AMBRA1: variants seen among roughly 807,000 people sequenced by gnomAD.
AMBRA1 encodes autophagy and beclin 1 regulator 1, also known as activating molecule in BECN1-regulated autophagy protein 1.
AMBRA1 carries 47 observed loss-of-function variants against 125.4 expected under a neutral mutation model. The observed-to-expected ratio is 0.37, with a 90% confidence interval of 0.30 to 0.48. The LOEUF (loss-of-function observed/expected upper bound fraction) is 0.48. Ranked by LOEUF, AMBRA1 falls within the 20% of genes least tolerant of loss-of-function variation. The probability of loss-of-function intolerance (pLI) is 0.99; values close to 1 mark genes in which losing one functional copy is unlikely to be tolerated. For synonymous variants in AMBRA1, 626 were observed against 655.5 expected, an observed-to-expected ratio of 0.95 and a Z score of 0.69; for missense variants, 1,331 against 1,693.4, an observed-to-expected ratio of 0.79 and a Z score of 3.76.
chr11:46,425,350 G>GTGTA (rs1947075778), intron 14 of AMBRA1, among the ~76,000 whole-genome samples: 2 of 149,626 alleles, frequency 1.3e-5, no homozygotes, highest in South Asian at 4.3e-4. Context: ...GTGTGTGTGT[G>GTGTA]TAAGAAGTAG....
At chr11:46,468,370 T>A (rs79567606) in intron 11 of AMBRA1, among the ~76,000 whole-genome samples, 1,820 of 150,976 alleles carry the variant, frequency 0.012, 44 homozygotes, top group African/African-American at 0.043. Flanking sequence ...TGAGACCTCA[T>A]CTCTTGAAAA....
chr11:46,434,817 T>C, intron 13 of AMBRA1, 32 bp downstream of exon 13: 1 of 1,546,946 alleles, frequency 6.5e-7, no homozygotes, highest in Non-Finnish European at 8.7e-7. Flanking sequence ...CCAGCGTCCC[T>C]CTGTCATTAG....
intron 1 of AMBRA1, among the ~76,000 whole-genome samples, chr11:46,577,866 C>T (rs1182061851): frequency 6.6e-6 from 1 of 152,016 alleles, no homozygotes; most frequent in African/African-American, 2.4e-5. Context: ...AGGAGAATCA[C>T]TTGAACCCAG....
In AMBRA1 at chr11:46,468,525, G is replaced by A. The variant is rs184972806; in HGVS notation, c.2522-24927C>T. ...AAGAAAAGGAAGGCCAGGGCCAGGC[G>A]CAGTGACTCACGCCTGTAATCCCAG... On this transcript the variant is annotated intron_variant, in intron 11 of 17. Coordinates refer to ENST00000683756, the MANE Select transcript of AMBRA1 (RefSeq NM_001387011.1). Among the ~76,000 whole-genome samples, 323 of 152,156 alleles carry A rather than the reference G, an allele frequency of 2.1e-3. 3 individuals carry two copies. The Middle Eastern group carries it at 0.024, about 11-fold the overall frequency.
intron 8 of AMBRA1, 91 bp downstream of exon 8, chr11:46,512,636 C>G (rs1386915875): frequency 1.1e-6 from 1 of 946,088 alleles, no homozygotes; most frequent in Non-Finnish European, 1.6e-6. Flanking sequence ...GCACCAGGAC[C>G]AGAGAGGCAC....
intron 7 of AMBRA1, among the ~76,000 whole-genome samples, chr11:46,520,341 TGA>T (rs1265132764): frequency 3.9e-5 from 6 of 152,256 alleles, no homozygotes; most frequent in South Asian, 2.1e-4. Flanking sequence ...TGTGAAAGAA[TGA>T]GAGTGAAAAA....
At chr11:46,398,436 G>A (rs1016204843) in intron 17 of AMBRA1, among the ~76,000 whole-genome samples, 4 of 152,190 alleles carry the variant, frequency 2.6e-5, no homozygotes, top group Admixed American at 6.5e-5. Flanking sequence ...TTCCTTCAGC[G>A]TAGTTTTGTG....
intron 1 of AMBRA1, among the ~76,000 whole-genome samples, chr11:46,583,664 A>AC (rs2044259686): frequency 7.5e-6 from 1 of 132,604 alleles, no homozygotes; most frequent in Non-Finnish European, 1.5e-5. Context: ...AAAAAAAAAA[A>AC]AAAAAAAAAA....
chr11:46,546,623 C>CAAAA (rs199573787), intron 4 of AMBRA1, among the ~76,000 whole-genome samples: 1 of 114,196 alleles, frequency 8.8e-6, no homozygotes. Context: ...TAAGCTATTG[C>CAAAA]AAAAAAAAAA....
At chr11:46,481,180 C>T (rs184628646) in intron 11 of AMBRA1, among the ~76,000 whole-genome samples, 63 of 152,282 alleles carry the variant, frequency 4.1e-4, no homozygotes, top group Non-Finnish European at 2.8e-4. Context: ...GGTGCAATTA[C>T]ACCCAAACAG....
At chr11:46,477,815 C>T (rs189101577) in intron 11 of AMBRA1, among the ~76,000 whole-genome samples, 16 of 152,134 alleles carry the variant, frequency 1.1e-4, no homozygotes, top group African/African-American at 3.9e-4. Flanking sequence ...GTGGCTCACG[C>T]CTGTAATCCC....
At chr11:46,496,805 TA>T (rs767496674) in intron 9 of AMBRA1, among the ~76,000 whole-genome samples, 6,822 of 139,074 alleles carry the variant, frequency 0.049, 144 homozygotes, top group Middle Eastern at 0.1. Flanking sequence ...TCCCTTCATT[TA>T]AAAAAAAAAA....
At chr11:46,508,444 C>T in intron 8 of AMBRA1, 74 bp from the exon 9 acceptor site, 1 of 1,458,350 alleles carries the variant, frequency 6.9e-7, no homozygotes. Context: ...GTTAATCCAG[C>T]TCTCCCATGG....
At chr11:46,471,857 T>A (rs1173227137) in intron 11 of AMBRA1, among the ~76,000 whole-genome samples, 3 of 151,884 alleles carry the variant, frequency 2.0e-5, no homozygotes. Flanking sequence ...CGATCTCCTG[T>A]CCTCATGATC....
chr11:46,452,926 GATATAACTTACAATTCAC>G (rs1490087581), intron 11 of AMBRA1, among the ~76,000 whole-genome samples: 3 of 152,144 alleles, frequency 2.0e-5, no homozygotes, highest in African/African-American at 7.2e-5. Flanking sequence ...GCTTTACTGA[GATATAACTTACAATTCAC>G]CTATTTTAAA....
intron 12 of AMBRA1, 87 bp downstream of exon 12, chr11:46,443,401 A>G (rs1297594615): frequency 9.5e-7 from 1 of 1,053,528 alleles, no homozygotes; most frequent in Non-Finnish European, 1.5e-6. Flanking sequence ...AGGATGATGA[A>G]AAACCCAGTG....
chr11:46,593,638 T>TC (rs1296742603), intron 1 of AMBRA1, among the ~76,000 whole-genome samples, 190 bp downstream of exon 1: 1 of 152,038 alleles, frequency 6.6e-6, no homozygotes, highest in Non-Finnish European at 1.5e-5. Flanking sequence ...CCAGCAACTC[T>TC]CCCTCCTTTC....
intron 7 of AMBRA1, among the ~76,000 whole-genome samples, chr11:46,519,940 G>C (rs1951684347): frequency 6.6e-6 from 1 of 152,044 alleles, no homozygotes; most frequent in Non-Finnish European, 1.5e-5. Flanking sequence ...GGGAGTTCAA[G>C]ACCTGCCTGA....
intron 11 of AMBRA1, among the ~76,000 whole-genome samples, chr11:46,471,103 T>C (rs1480859958): frequency 6.6e-6 from 1 of 152,206 alleles, no homozygotes; most frequent in Admixed American, 6.5e-5. Flanking sequence ...CAGATCAAGA[T>C]AAACCATTTG....
Sources: allele counts gnomAD v4.1 joint callset (sites outside exome capture counted in the v4.1 genomes callset), GRCh38; gene constraint gnomAD v4.1.1; transcripts MANE v1.5; gene names NCBI Gene and HGNC (gene_info 2026-07-23, HGNC 2026-07-21).